GRM7: variants seen among roughly 807,000 people sequenced by gnomAD.
GRM7 encodes the protein metabotropic glutamate receptor 7.
Under a neutral mutation model 84.5 loss-of-function variants are expected in GRM7, and 35 were observed. That is an observed-to-expected ratio of 0.41 (90% CI 0.32 to 0.55). The LOEUF (loss-of-function observed/expected upper bound fraction) is 0.55, where lower values mean the gene tolerates loss of function less well. Among genes scored for constraint, GRM7 ranks in the 20% least tolerant of loss-of-function variants. The probability of loss-of-function intolerance (pLI) is 0.19; values close to 1 mark genes in which losing one functional copy is unlikely to be tolerated. For missense variants in GRM7, 1,003 were observed against 1,194.6 expected (o/e 0.84, Z 2.36); for synonymous variants, 487 against 455.1 (o/e 1.07, Z -0.89).
chr3:7,491,164 C>T (rs1474190108), intron 7 of GRM7, among the ~76,000 whole-genome samples: 2 of 151,552 alleles, frequency 1.3e-5, no homozygotes, highest in Non-Finnish European at 2.9e-5. Context: ...TTATTATATT[C>T]CTAAAGTCCA....
chr3:7,367,410 A>G (rs917624503), intron 4 of GRM7, among the ~76,000 whole-genome samples: 1 of 151,998 alleles, frequency 6.6e-6, no homozygotes, highest in African/African-American at 2.4e-5. Flanking sequence ...AACCTAAATA[A>G]ATCCAACAAG....
intron 5 of GRM7, among the ~76,000 whole-genome samples, chr3:7,417,659 C>T (rs34968141): frequency 0.044 from 6,667 of 152,192 alleles, 205 homozygotes; most frequent in Non-Finnish European, 0.066. Flanking sequence ...GACTGTAGAA[C>T]ATAGCCCCCT....
intron 2 of GRM7, among the ~76,000 whole-genome samples, chr3:7,171,701 T>C (rs1179850115): frequency 6.6e-6 from 1 of 152,204 alleles, no homozygotes; most frequent in East Asian, 1.9e-4. Flanking sequence ...CACACCTGCC[T>C]AAGTTGTTTG....
chr3:7,195,068 A>C (rs1695835118), intron 2 of GRM7, among the ~76,000 whole-genome samples: 1 of 152,180 alleles, frequency 6.6e-6, no homozygotes, highest in African/African-American at 2.4e-5. Context: ...GTATGCAATC[A>C]GTCATCCGGT....
intron 8 of GRM7, among the ~76,000 whole-genome samples, chr3:7,646,589 T>C (rs1304132219): frequency 1.3e-5 from 2 of 152,176 alleles, no homozygotes; most frequent in Non-Finnish European, 2.9e-5. Context: ...GCAGTACACA[T>C]AGGCCCAAAG....
chr3:7,044,815 T>G (rs1027914477), intron 1 of GRM7, among the ~76,000 whole-genome samples: 1 of 152,190 alleles, frequency 6.6e-6, no homozygotes, highest in African/African-American at 2.4e-5. Context: ...CTTCACCTGG[T>G]AAAGTTTACC....
chr3:6,978,608 A>G (rs1372252838), intron 1 of GRM7, among the ~76,000 whole-genome samples: 2 of 152,192 alleles, frequency 1.3e-5, no homozygotes, highest in East Asian at 1.9e-4. Flanking sequence ...GCAAAATTGC[A>G]CTGCAAAATG....
At chr3:7,448,469 C>A (rs1371843086) in intron 5 of GRM7, among the ~76,000 whole-genome samples, 2 of 152,138 alleles carry the variant, frequency 1.3e-5, no homozygotes, top group African/African-American at 4.8e-5. Context: ...TCCAGAAATC[C>A]TTACTCACAT....
intron 7 of GRM7, among the ~76,000 whole-genome samples, chr3:7,515,211 CAAAA>C (rs35576148): frequency 3.1e-5 from 4 of 128,784 alleles, no homozygotes; most frequent in African/African-American, 5.8e-5. Flanking sequence ...TGTAGAAGGA[CAAAA>C]AAAAAAAAAA....
intron 2 of GRM7, among the ~76,000 whole-genome samples, chr3:7,161,889 C>G (rs1047660427): frequency 2.0e-5 from 3 of 152,166 alleles, no homozygotes; most frequent in African/African-American, 7.2e-5. Context: ...GTGTTGCTTA[C>G]ATTATATTGG....
At chr3:7,163,088 G>T (rs115748301) in intron 2 of GRM7, among the ~76,000 whole-genome samples, 1 of 151,672 alleles carries the variant, frequency 6.6e-6, no homozygotes, top group Non-Finnish European at 1.5e-5. Context: ...TACTCCTTTC[G>T]TGCCTATTCT....
At chr3:7,217,328 C>T (rs1002502095) in intron 2 of GRM7, among the ~76,000 whole-genome samples, 3 of 152,150 alleles carry the variant, frequency 2.0e-5, no homozygotes, top group Non-Finnish European at 4.4e-5. Context: ...TGGCAAAGTA[C>T]GGAGTTGTTA....
intron 7 of GRM7, among the ~76,000 whole-genome samples, chr3:7,532,500 T>C (rs896325549): frequency 6.6e-6 from 1 of 152,056 alleles, no homozygotes; most frequent in African/African-American, 2.4e-5. Flanking sequence ...GTCTATTTGA[T>C]TCTTCTCTCT....
intron 1 of GRM7, among the ~76,000 whole-genome samples, chr3:7,107,865 T>A (rs1692708000): frequency 6.6e-6 from 1 of 151,974 alleles, no homozygotes; most frequent in Non-Finnish European, 1.5e-5. Context: ...GTATCCTGGT[T>A]TAAGAGGTAG....
At chr3:7,567,378 G>A (rs1694335968) in intron 7 of GRM7, among the ~76,000 whole-genome samples, 1 of 152,122 alleles carries the variant, frequency 6.6e-6, no homozygotes, top group Admixed American at 6.5e-5. Context: ...GCCAAACAAT[G>A]ACATTGTGAT....
chr3:6,937,261 A>G (rs1010451354), intron 1 of GRM7, among the ~76,000 whole-genome samples: 2 of 152,224 alleles, frequency 1.3e-5, no homozygotes, highest in African/African-American at 2.4e-5. Context: ...TGGGAATTCC[A>G]CCTCATCAGA....
intron 7 of GRM7, among the ~76,000 whole-genome samples, chr3:7,462,565 C>T (rs1422574413): frequency 1.3e-5 from 2 of 152,194 alleles, no homozygotes; most frequent in African/African-American, 4.8e-5. Context: ...TTAATCTATA[C>T]CTTAGGAGGC....
intron 1 of GRM7, among the ~76,000 whole-genome samples, chr3:6,973,262 A>T (rs112548591): frequency 0.012 from 1,782 of 152,148 alleles, 15 homozygotes; most frequent in Non-Finnish European, 0.018. Context: ...GCACTCAATC[A>T]TTCATTCATT....
chr3:6,889,130 G>C (rs1306693356), intron 1 of GRM7, among the ~76,000 whole-genome samples: 1 of 151,996 alleles, frequency 6.6e-6, no homozygotes, highest in Non-Finnish European at 1.5e-5. Flanking sequence ...GGAGATTTTG[G>C]GCTGAGACAA....
Sources: allele counts gnomAD v4.1 joint callset (sites outside exome capture counted in the v4.1 genomes callset), GRCh38; gene constraint gnomAD v4.1.1; transcripts MANE v1.5; gene names NCBI Gene and HGNC (gene_info 2026-07-23, HGNC 2026-07-21).